Variants in YWHAQ observed in about 807,000 individuals in gnomAD.
YWHAQ encodes tyrosine 3-monooxygenase/tryptophan 5-monooxygenase activation protein theta.
In YWHAQ, 6 loss-of-function variants were observed where a neutral mutation model predicts 28.3. The observed-to-expected ratio is 0.21, with a 90% CI of 0.12 to 0.42. The LOEUF is 0.42. Among genes scored for constraint, YWHAQ ranks in the 10% least tolerant of loss-of-function variants. YWHAQ has a pLI of 1.00. For missense variants in YWHAQ, 201 were observed against 305.6 expected (o/e 0.66, Z 2.55); for synonymous variants, 143 against 119.1 (o/e 1.20, Z -1.31).
intron 2 of YWHAQ, among the ~76,000 whole-genome samples, chr2:9,608,402 G>T (rs1558547226): frequency 6.6e-6 from 1 of 152,192 alleles, no homozygotes; most frequent in Non-Finnish European, 1.5e-5. Context: ...GAAGTAGCCA[G>T]AAATCTACTT....
chr2:9,609,357 G>A (rs1183978289), intron 2 of YWHAQ, among the ~76,000 whole-genome samples: 3 of 151,930 alleles, frequency 2.0e-5, no homozygotes, highest in Non-Finnish European at 4.4e-5. Context: ...ACAACAAAAG[G>A]CATATTTGAA....
chr2:9,627,047 C>A (rs1405401887), intron 2 of YWHAQ, among the ~76,000 whole-genome samples: 2 of 152,248 alleles, frequency 1.3e-5, no homozygotes, highest in Non-Finnish European at 2.9e-5. Flanking sequence ...GAAATCTTAA[C>A]TCCCCTCATC....
chr2:9,587,900 T>TAGGGAA, intron 4 of YWHAQ, among the ~76,000 whole-genome samples: 3 of 152,210 alleles, frequency 2.0e-5, no homozygotes, highest in Non-Finnish European at 4.4e-5. Context: ...TCTAATCTTT[T>TAGGGAA]ATGTTTCCTT....
intron 2 of YWHAQ, among the ~76,000 whole-genome samples, chr2:9,593,999 ACG>A (rs59403085): frequency 0.011 from 1,636 of 143,986 alleles, 30 homozygotes; most frequent in African/African-American, 0.041. Flanking sequence ...ACACACACAC[ACG>A]CACGCACAAA....
At chr2:9,608,797 AG>A (rs771631779) in intron 2 of YWHAQ, among the ~76,000 whole-genome samples, 2 of 152,170 alleles carry the variant, frequency 1.3e-5, no homozygotes, top group Non-Finnish European at 2.9e-5. Flanking sequence ...AAAATTAGCC[AG>A]GCGTGTTGGC....
chr2:9,629,439 G>T (rs1667310838), intron 2 of YWHAQ, among the ~76,000 whole-genome samples: 1 of 152,176 alleles, frequency 6.6e-6, no homozygotes, highest in Non-Finnish European at 1.5e-5. Flanking sequence ...AATCGTCCTT[G>T]CTAAGACTGG....
At chr2:9,621,116 T>G (rs576313463) in intron 2 of YWHAQ, among the ~76,000 whole-genome samples, 1 of 152,294 alleles carries the variant, frequency 6.6e-6, no homozygotes, top group South Asian at 2.1e-4. Context: ...CTACAATAGG[T>G]TGAATGAAAT....
chr2:9,603,767 ACT>A (rs1463943401), intron 2 of YWHAQ, among the ~76,000 whole-genome samples: 1 of 151,820 alleles, frequency 6.6e-6, no homozygotes, highest in Non-Finnish European at 1.5e-5. Flanking sequence ...TATTAAAAAT[ACT>A]AAAAAACTAG....
At position 9,630,477 on chromosome 2, in the gene YWHAQ, G is replaced by GC; in HGVS notation, c.-26dup. 4.5e-6 allele frequency: 7 copies of GC among 1,570,606 alleles called. No individual in the cohort carries two copies. The highest frequency in any genetic ancestry group is 6.0e-6 in the Non-Finnish European group (7 of 1,162,232). The stretch of plus-strand genomic sequence containing the variant: ...TGGCGGGCGCGGGGCCGGGGCCGGG[G>GC]CGGAGGGCGAGGAGAGCGAGGGCGA... On this transcript the variant is annotated 5_prime_UTR_variant, in exon 2 of 6. Coordinates refer to ENST00000238081, the MANE Select transcript of YWHAQ (RefSeq NM_006826.4). The surrounding 1 kb of genome is among the most constrained non-coding windows in gnomAD (Gnocchi z 5.6).
intron 2 of YWHAQ, among the ~76,000 whole-genome samples, chr2:9,620,347 T>C (rs529214097): frequency 6.6e-6 from 1 of 152,324 alleles, no homozygotes; most frequent in Admixed American, 6.5e-5. Context: ...GATCATGAAA[T>C]ACTACTCATC....
At chr2:9,606,223 T>C (rs552873129) in intron 2 of YWHAQ, among the ~76,000 whole-genome samples, 1 of 152,294 alleles carries the variant, frequency 6.6e-6, no homozygotes, top group South Asian at 2.1e-4. Flanking sequence ...AATGCATAAA[T>C]GTTCCCATTT....
In YWHAQ at chr2:9,607,955, A is replaced by G. The variant is rs112279867; in HGVS notation, c.295-16440T>C. The stretch of plus-strand genomic sequence containing the variant: ...CTCGAACTCCTGACGTAATCCGCCC[A>G]CCTCAGCCTCCCAAAGTGCTGGTAT... On this transcript the variant is annotated intron_variant, in intron 2 of 5. Transcript: ENST00000238081. 8.2e-3 allele frequency among the ~76,000 whole-genome samples: 1,238 copies of G among 151,224 alleles called. 18 individuals are homozygous for G. The highest frequency in any genetic ancestry group is 0.028 in the African/African-American group (1,164 of 41,178).
intron 2 of YWHAQ, among the ~76,000 whole-genome samples, chr2:9,597,254 A>G (rs1367474354): frequency 1.3e-5 from 2 of 152,202 alleles, no homozygotes; most frequent in Non-Finnish European, 2.9e-5. Flanking sequence ...ATCCAAGTTG[A>G]TCATATAACA....
chr2:9,621,526 C>G (rs982542302), intron 2 of YWHAQ, among the ~76,000 whole-genome samples: 1 of 152,178 alleles, frequency 6.6e-6, no homozygotes, highest in Non-Finnish European at 1.5e-5. Flanking sequence ...TTTTGCCATA[C>G]TTGCTTTTTC....
chr2:9,593,782 C>T (rs542099040), intron 2 of YWHAQ, among the ~76,000 whole-genome samples: 58 of 151,706 alleles, frequency 3.8e-4, no homozygotes, highest in African/African-American at 1.3e-3. Flanking sequence ...GAGCCATGAT[C>T]GTGCCACTGC....
At chr2:9,595,434 G>A (rs1192981869) in intron 2 of YWHAQ, among the ~76,000 whole-genome samples, 1 of 152,142 alleles carries the variant, frequency 6.6e-6, no homozygotes, top group Non-Finnish European at 1.5e-5. Context: ...GCCAGGTGCC[G>A]TGACTCATGC....
chr2:9,622,591 T>C (rs1005307556), intron 2 of YWHAQ, among the ~76,000 whole-genome samples: 1 of 152,192 alleles, frequency 6.6e-6, no homozygotes, highest in Non-Finnish European at 1.5e-5. Context: ...GTGGAATTTC[T>C]AGGGGAGGAA....
chr2:9,626,213 T>C (rs998130623), intron 2 of YWHAQ, among the ~76,000 whole-genome samples: 1 of 152,212 alleles, frequency 6.6e-6, no homozygotes, highest in Admixed American at 6.5e-5. Context: ...AGAACTGATG[T>C]ACAGGAGAGG....
At chr2:9,610,915 GA>G (rs1666934580) in intron 2 of YWHAQ, among the ~76,000 whole-genome samples, 1 of 152,130 alleles carries the variant, frequency 6.6e-6, no homozygotes. Context: ...GCCCTAGGCA[GA>G]AACCTAGGAG....
Sources: allele counts gnomAD v4.1 joint callset (sites outside exome capture counted in the v4.1 genomes callset), GRCh38; gene constraint gnomAD v4.1.1; non-coding constraint Gnocchi (gnomAD v3.1); transcripts MANE v1.5; gene names NCBI Gene and HGNC (gene_info 2026-07-23, HGNC 2026-07-21).